The following PRKCB variants were observed in gnomAD, a reference collection of about 807,000 sequenced individuals.
The protein encoded by PRKCB is protein kinase C beta type.
Under a neutral mutation model 81.5 loss-of-function variants are expected in PRKCB, and 13 were observed. The ratio of observed to expected loss-of-function variants is 0.16; its 90% CI spans 0.10 to 0.25. PRKCB has a LOEUF of 0.25. Among genes scored for constraint, PRKCB ranks in the 10% least tolerant of loss-of-function variants. PRKCB has a pLI of 1.00. For synonymous variants in PRKCB, 335 were observed against 321.4 expected, an observed-to-expected ratio of 1.04 and a Z score of -0.45; for missense variants, 509 against 875.7, an observed-to-expected ratio of 0.58 and a Z score of 5.29.
At position 23,949,628 on chromosome 16, in the gene PRKCB, G is replaced by A. The variant is rs141644501; in HGVS notation, c.206-38880G>A. Among the ~76,000 whole-genome samples, 454 of 152,210 alleles carry A rather than the reference G, an allele frequency of 3.0e-3. 4 individuals are homozygous for A. Among genetic ancestry groups the A allele is most frequent in the African/African-American group, 0.011 (439 of 41,506 alleles). On this transcript the variant is annotated intron_variant, in intron 2 of 16. Transcript: ENST00000643927. ...ACCAATATTTATTGGGTGTTTGCTC[G>A]GTGCCACTTACAGTTCTAAGTGCTG...
At chr16:24,210,857 C>T (rs181064158) in intron 16 of PRKCB, among the ~76,000 whole-genome samples, 11 of 152,170 alleles carry the variant, frequency 7.2e-5, no homozygotes, top group Admixed American at 3.3e-4. Context: ...CATATATTCA[C>T]ATTTACAGTT....
At chr16:23,988,426 T>G in intron 2 of PRKCB, 82 bp from the exon 3 acceptor site, 4 of 1,113,316 alleles carry the variant, frequency 3.6e-6, no homozygotes, top group Non-Finnish European at 5.4e-6. Context: ...TCAAGTTTAA[T>G]GATCTCTTCC....
chr16:23,901,517 A>G (rs545588199), intron 2 of PRKCB, among the ~76,000 whole-genome samples: 2 of 152,306 alleles, frequency 1.3e-5, no homozygotes, highest in South Asian at 4.1e-4. Flanking sequence ...AGATGAGGGA[A>G]TTCGAAGAGG....
intron 2 of PRKCB, among the ~76,000 whole-genome samples, chr16:23,917,398 G>A (rs1354952915): frequency 6.6e-6 from 1 of 152,204 alleles, no homozygotes; most frequent in Non-Finnish European, 1.5e-5. Flanking sequence ...TTTTATGATT[G>A]CATCGTGGTC....
chr16:23,880,050 C>G (rs1963081365), intron 2 of PRKCB, among the ~76,000 whole-genome samples: 1 of 152,162 alleles, frequency 6.6e-6, no homozygotes, highest in Non-Finnish European at 1.5e-5. Flanking sequence ...ACAAGACATG[C>G]TCTGAAAGTG....
chr16:24,017,013 T>C (rs1965288694), intron 3 of PRKCB, among the ~76,000 whole-genome samples: 1 of 152,222 alleles, frequency 6.6e-6, no homozygotes, highest in African/African-American at 2.4e-5. Context: ...CAGCCAATGA[T>C]TGGCATTTCC....
At chr16:24,201,122 C>A (rs1208738734) in intron 16 of PRKCB, among the ~76,000 whole-genome samples, 2 of 152,164 alleles carry the variant, frequency 1.3e-5, no homozygotes, top group East Asian at 3.9e-4. Context: ...TTTCCCTCCC[C>A]CAACTCATGT....
intron 5 of PRKCB, among the ~76,000 whole-genome samples, chr16:24,073,868 C>A (rs1212942807): frequency 2.0e-5 from 3 of 149,182 alleles, no homozygotes. Flanking sequence ...GATGGCCGGG[C>A]GTGGTGGCTC....
chr16:23,850,494 C>G (rs901924044), intron 2 of PRKCB, among the ~76,000 whole-genome samples: 1 of 152,058 alleles, frequency 6.6e-6, no homozygotes, highest in Non-Finnish European at 1.5e-5. Context: ...GCCTCCCAAG[C>G]AGCTGGGATT....
chr16:24,202,054 A>G (rs1967966784), intron 16 of PRKCB, among the ~76,000 whole-genome samples: 1 of 152,074 alleles, frequency 6.6e-6, no homozygotes, highest in African/African-American at 2.4e-5. Flanking sequence ...AAAAAAAGAA[A>G]AAAAGAAAAA....
intron 2 of PRKCB, among the ~76,000 whole-genome samples, chr16:23,933,768 C>CTCCATCCATCCATCCATCCATCCA (rs377110328): frequency 8.0e-6 from 1 of 125,630 alleles, no homozygotes; most frequent in Non-Finnish European, 1.6e-5. Flanking sequence ...CATCTATCCA[C>CTCCATCCATCCATCCATCCATCCA]TCCATCCATC....
intron 2 of PRKCB, among the ~76,000 whole-genome samples, chr16:23,843,196 CT>C (rs1962296684): frequency 1.3e-5 from 2 of 152,236 alleles, no homozygotes; most frequent in Admixed American, 1.3e-4. Context: ...GCCCCATGCA[CT>C]TCAGGTTGAA....
intron 8 of PRKCB, among the ~76,000 whole-genome samples, chr16:24,116,393 A>G (rs1442361497): frequency 2.6e-5 from 4 of 151,990 alleles, no homozygotes; most frequent in African/African-American, 4.8e-5. Context: ...TACCTCTATT[A>G]TTAAAAAATA....
At chr16:24,154,946 T>C in intron 10 of PRKCB, 89 bp downstream of exon 10, 2 of 1,392,348 alleles carry the variant, frequency 1.4e-6, no homozygotes, top group Non-Finnish European at 2.0e-6. Context: ...AGCACAGAGA[T>C]ACCTGCACCC....
intron 8 of PRKCB, 79 bp from the exon 9 acceptor site, chr16:24,123,756 T>C (rs1966828299): frequency 1.3e-6 from 2 of 1,483,200 alleles, no homozygotes; most frequent in Non-Finnish European, 1.8e-6. Context: ...GAACTACAGC[T>C]TCCCATTGTG....
rs373880327 is a variant in PRKCB, at chr16:24,175,662, C to T, written c.1394+1082C>T. Reference sequence around the variant, plus strand: ...AGTCCTGGGCCTTTTGCCTTAACTGCGGGATATGGGATTAAAAGGCATGAG... The same window carrying T: ...AGTCCTGGGCCTTTTGCCTTAACTGTGGGATATGGGATTAAAAGGCATGAG... On this transcript the variant is annotated intron_variant, in intron 12 of 16. Coordinates refer to ENST00000643927, the MANE Select transcript of PRKCB (RefSeq NM_002738.7). Among the ~76,000 whole-genome samples the T allele has an allele frequency of 5.6e-4, 85 of 151,424 alleles. 3 individuals are homozygous for T. In the South Asian group the frequency reaches 0.016, roughly 28 times the overall value.
At chr16:24,135,135 T>C (rs1395992872) in intron 9 of PRKCB, among the ~76,000 whole-genome samples, 1 of 151,580 alleles carries the variant, frequency 6.6e-6, no homozygotes, top group Non-Finnish European at 1.5e-5. Context: ...CCCTGAGCAC[T>C]GTGCCTGGTG....
intron 5 of PRKCB, among the ~76,000 whole-genome samples, chr16:24,051,453 A>T (rs138607784): frequency 6.6e-6 from 1 of 152,132 alleles, no homozygotes; most frequent in Non-Finnish European, 1.5e-5. Flanking sequence ...TGGGCTTTGG[A>T]TTGGTTGGTT....
At chr16:23,959,165 A>G (rs967320375) in intron 2 of PRKCB, among the ~76,000 whole-genome samples, 4 of 152,250 alleles carry the variant, frequency 2.6e-5, no homozygotes, top group African/African-American at 9.6e-5. Flanking sequence ...ACTTAGATAC[A>G]TCCCTTACCC....
Sources: gnomAD v4.1 joint callset for allele counts (sites outside exome capture counted in the v4.1 genomes callset) on GRCh38, gnomAD v4.1.1 for gene constraint, MANE v1.5 for transcripts, NCBI Gene and HGNC (gene_info 2026-07-23, HGNC 2026-07-21) for gene names.